RPA2: variants seen among roughly 807,000 people sequenced by gnomAD.
RPA2 encodes the protein replication protein A2.
RPA2 carries 22 observed loss-of-function variants against 33.4 expected under a neutral mutation model. The ratio of observed to expected loss-of-function variants is 0.66; its 90% CI spans 0.47 to 0.94. RPA2 has a LOEUF of 0.94. Ranked by LOEUF, RPA2 falls within the 40% of genes least tolerant of loss-of-function variation. RPA2 has a pLI of 0.00. For synonymous variants in RPA2, 109 were observed against 114.9 expected, an observed-to-expected ratio of 0.95 and a Z score of 0.33; for missense variants, 279 against 329.9, an observed-to-expected ratio of 0.85 and a Z score of 1.19.
In RPA2 at chr1:27,914,562, G is replaced by T. The variant is rs2090146183; in HGVS notation, c.-119C>A. The T allele has an allele frequency of 5.0e-6, 8 of 1,611,726 alleles. No individual in the cohort carries two copies. The Admixed American group carries it at 5.1e-5, about 10-fold the overall frequency. ...GCTACTTTTCTCTGGCACCACAAAC[G>T]CCTTCCCGCGAATGGCGGAGCCAGT... On this transcript the variant is annotated 5_prime_UTR_variant, in exon 1 of 9. Transcript: ENST00000373912.
In RPA2 at chr1:27,892,132, TAA is replaced by T. The variant is rs1330763151; in HGVS notation, c.*29_*30del. ...CAGATTGTGAAACTAGGTCCAGCTG[TAA>T]AATATCTCAGGTACCCAGTTAGATC... On this transcript the variant is annotated 3_prime_UTR_variant, in exon 9 of 9. Transcript: ENST00000373912. 6.4e-7 allele frequency: 1 copy of T among 1,567,032 alleles called. No individual in the cohort carries two copies. Among genetic ancestry groups the T allele is most frequent in the South Asian group, 1.1e-5 (1 of 89,674 alleles).
intron 2 of RPA2, among the ~76,000 whole-genome samples, chr1:27,911,820 C>T (rs199890647): frequency 1.3e-5 from 2 of 152,012 alleles, no homozygotes; most frequent in South Asian, 2.1e-4. Flanking sequence ...CGGCCGGGCA[C>T]GGTGGCTCAC....
At chr1:27,899,036 C>T (rs935275634) in intron 4 of RPA2, among the ~76,000 whole-genome samples, 17 of 151,734 alleles carry the variant, frequency 1.1e-4, no homozygotes, top group Admixed American at 2.0e-4. Flanking sequence ...AGTGAGACCT[C>T]GTCTCTAAAA....
At position 27,907,081 on chromosome 1, in the gene RPA2, T is replaced by C. The variant is rs544529369; in HGVS notation, c.220-40A>G. 14 of 1,565,402 alleles carry C rather than the reference T, an allele frequency of 8.9e-6. No individual in the cohort carries two copies. The East Asian group carries it at 1.3e-4, about 15-fold the overall frequency. ...ACAAAGAAAAAAAAAAAAGGTCTGG[T>C]TCCCCCTGAAACCAAGGCTACATTT... On this transcript the variant is annotated intron_variant, in intron 3 of 8. Coordinates refer to ENST00000373912, the MANE Select transcript of RPA2 (RefSeq NM_002946.5).
At chr1:27,902,498 G>T (rs1003365771) in intron 4 of RPA2, among the ~76,000 whole-genome samples, 1 of 151,932 alleles carries the variant, frequency 6.6e-6, no homozygotes, top group African/African-American at 2.4e-5. Context: ...TGGCCAGGCT[G>T]GTCTCAAACT....
intron 2 of RPA2, among the ~76,000 whole-genome samples, chr1:27,911,486 G>A (rs2090096021): frequency 6.6e-6 from 1 of 152,192 alleles, no homozygotes; most frequent in Non-Finnish European, 1.5e-5. Flanking sequence ...AACCAGAATG[G>A]AGAAAAATAG....
In RPA2 at chr1:27,891,624, G is replaced by A. The variant is rs1473536161; in HGVS notation, c.*539C>T. Reference sequence around the variant, plus strand: ...CTTCTTCTTTTCCTCTGCCCCTGGAGGCACTACCGCAGAACTTCATGTTCA... The same window carrying A: ...CTTCTTCTTTTCCTCTGCCCCTGGAAGCACTACCGCAGAACTTCATGTTCA... On this transcript the variant is annotated 3_prime_UTR_variant, in exon 9 of 9. Coordinates refer to ENST00000373912, the MANE Select transcript of RPA2 (RefSeq NM_002946.5). The A allele has an allele frequency of 5.9e-5, 9 of 152,712 alleles. No individual in the cohort carries two copies. The allele number at this position is 152,712 out of a possible 1,614,324, so 9.5% of individuals were successfully genotyped here. A position where few individuals can be genotyped will look rare whatever the true frequency, so the allele number is the denominator to read the frequency against.
chr1:27,897,137 A>G lies in RPA2; in HGVS notation c.409-16T>C. Reference sequence around the variant, plus strand: ...TCTTTTTGTTCTATTAAAATGAAGGAAAAAAATGTGAATAAAATATGAACA... The same window carrying G: ...TCTTTTTGTTCTATTAAAATGAAGGGAAAAAATGTGAATAAAATATGAACA... On this transcript the variant is annotated splice_polypyrimidine_tract_variant and intron_variant, in intron 5 of 8. Coordinates refer to ENST00000373912, the MANE Select transcript of RPA2 (RefSeq NM_002946.5). 1 of 1,548,732 alleles carries G rather than the reference A, an allele frequency of 6.5e-7. No homozygotes were observed. Among genetic ancestry groups the G allele is most frequent in the Non-Finnish European group, 8.9e-7 (1 of 1,126,384 alleles).
intron 2 of RPA2, among the ~76,000 whole-genome samples, chr1:27,913,149 C>T (rs1490934328): frequency 6.6e-6 from 1 of 151,578 alleles, no homozygotes; most frequent in Non-Finnish European, 1.5e-5. Context: ...GACGAGGTTT[C>T]ACCATGTTGG....
chr1:27,892,985 T>C (rs1286592189), intron 8 of RPA2, among the ~76,000 whole-genome samples: 1 of 152,156 alleles, frequency 6.6e-6, no homozygotes, highest in Non-Finnish European at 1.5e-5. Context: ...TTGTCTAAGA[T>C]GGAATCAGGA....
At chr1:27,902,353 C>T (rs1000118563) in intron 4 of RPA2, among the ~76,000 whole-genome samples, 4 of 150,300 alleles carry the variant, frequency 2.7e-5, no homozygotes, top group Admixed American at 6.6e-5. Context: ...TGAAGATCTC[C>T]GCTTACTGTA....
upstream of RPA2, chr1:27,914,579 G>T (rs1454528685): frequency 6.2e-7 from 1 of 1,612,610 alleles, no homozygotes; most frequent in African/African-American, 1.3e-5. Context: ...CGCGAATGGC[G>T]GAGCCAGTCA....
At chr1:27,909,716 GAA>G (rs1031564190) in intron 2 of RPA2, among the ~76,000 whole-genome samples, 1 of 135,520 alleles carries the variant, frequency 7.4e-6, no homozygotes, top group Non-Finnish European at 1.6e-5. Flanking sequence ...CTCAAAAAGA[GAA>G]AAAAAAAAAA....
intron 6 of RPA2, among the ~76,000 whole-genome samples, chr1:27,896,143 G>A (rs188383367): frequency 3.5e-4 from 53 of 152,162 alleles, no homozygotes; most frequent in Non-Finnish European, 5.1e-4. Context: ...CTCGAATGCC[G>A]ACTAGAATGA....
rs769492708 is a variant in RPA2, at chr1:27,906,092, G to A, written c.333+836C>T. On this transcript the variant is annotated intron_variant, in intron 4 of 8. Coordinates refer to ENST00000373912, the MANE Select transcript of RPA2 (RefSeq NM_002946.5). ...AAGATAAAAATCTTTGTTCTAGGCCGGGCGTGAGGGCTCATGCCTGTAATC... is the reference window on the plus strand; with the variant it reads ...AAGATAAAAATCTTTGTTCTAGGCCAGGCGTGAGGGCTCATGCCTGTAATC... Among the ~76,000 whole-genome samples the A allele has an allele frequency of 2.0e-5, 3 of 152,222 alleles. No individual in the cohort carries two copies. In the South Asian group the frequency reaches 6.2e-4, roughly 32 times the overall value.
intron 4 of RPA2, among the ~76,000 whole-genome samples, chr1:27,901,466 G>T (rs191590624): frequency 6.6e-6 from 1 of 151,510 alleles, no homozygotes. Context: ...GGGTTCAAGC[G>T]ATTCTCCTGC....
chr1:27,897,759 C>T, intron 4 of RPA2, 52 bp from the exon 5 acceptor site: 2 of 1,327,406 alleles, frequency 1.5e-6, no homozygotes, highest in Non-Finnish European at 2.1e-6. Context: ...CTGGTAAAAG[C>T]CTCTTTAACG....
chr1:27,908,870 G>A (rs2090064234), intron 2 of RPA2, among the ~76,000 whole-genome samples: 1 of 152,088 alleles, frequency 6.6e-6, no homozygotes. Context: ...AGGTAGTCTG[G>A]GTAACATGAA....
At chr1:27,893,889 G>T in intron 8 of RPA2, 123 bp downstream of exon 8, 1 of 748,920 alleles carries the variant, frequency 1.3e-6, no homozygotes, top group African/African-American at 1.7e-5. Context: ...GATTACAGGC[G>T]TGAGCCACCA....
Sources: gnomAD v4.1 joint callset for allele counts (sites outside exome capture counted in the v4.1 genomes callset) on GRCh38, gnomAD v4.1.1 for gene constraint, MANE v1.5 for transcripts, NCBI Gene and HGNC (gene_info 2026-07-23, HGNC 2026-07-21) for gene names.